The following CCDC85C variants were observed in gnomAD, a reference collection of about 807,000 sequenced individuals.
CCDC85C encodes the protein coiled-coil domain-containing protein 85C.
CCDC85C carries 18 observed loss-of-function variants against 38.3 expected under a neutral mutation model. The ratio of observed to expected loss-of-function variants is 0.47; its 90% CI spans 0.33 to 0.70. The LOEUF (loss-of-function observed/expected upper bound fraction) is 0.70, where lower values mean the gene tolerates loss of function less well. Among genes scored for constraint, CCDC85C ranks in the 30% least tolerant of loss-of-function variants. The pLI, the probability that CCDC85C is intolerant of heterozygous loss-of-function variation, is 0.03. For missense variants in CCDC85C, 566 were observed against 621.2 expected, an observed-to-expected ratio of 0.91 and a Z score of 0.94; for synonymous variants, 264 against 293.8, an observed-to-expected ratio of 0.90 and a Z score of 1.04.
chr14:99,581,472 C>G (rs761840723), intron 1 of CCDC85C, among the ~76,000 whole-genome samples: 7 of 152,254 alleles, frequency 4.6e-5, no homozygotes, highest in African/African-American at 7.2e-5. Context: ...TCGCTCCCCC[C>G]ACCCATGGTC....
In CCDC85C at chr14:99,510,080, C is replaced by A; in HGVS notation, c.*5166G>T. Reference sequence around the variant, plus strand: ...GCTCCCTGCTCCTCTGTAAAGATGGCCCTGAAGGGCCAGGAGGCACTGAAA... The same window carrying A: ...GCTCCCTGCTCCTCTGTAAAGATGGACCTGAAGGGCCAGGAGGCACTGAAA... On this transcript the variant is annotated 3_prime_UTR_variant, in exon 6 of 6. Transcript: ENST00000380243. 7.0e-7 allele frequency: 1 copy of A among 1,418,950 alleles called. No homozygotes were observed. The highest frequency in any genetic ancestry group is 9.4e-7 in the Non-Finnish European group (1 of 1,059,294). The allele number at this position is 1,418,950 out of a possible 1,614,324, so 87.9% of individuals were successfully genotyped here. A position where few individuals can be genotyped will look rare whatever the true frequency, so the allele number is the denominator to read the frequency against.
intron 1 of CCDC85C, among the ~76,000 whole-genome samples, chr14:99,585,777 C>T (rs114063230): frequency 0.01 from 1,575 of 152,222 alleles, 25 homozygotes; most frequent in African/African-American, 0.036. Flanking sequence ...CACAGACCCT[C>T]GGGGCACCAG....
At position 99,504,502 on chromosome 14, in the gene CCDC85C, G is replaced by A. The variant is rs1896923886; in HGVS notation, c.*10744C>T. The A allele has an allele frequency of 6.7e-6, 1 of 149,774 alleles. No individual in the cohort carries two copies. The highest frequency in any genetic ancestry group is 2.5e-5 in the African/African-American group (1 of 40,444). 9.3% of individuals were successfully genotyped at this position (149,774 alleles called of 1,614,324 possible). A position where few individuals can be genotyped will look rare whatever the true frequency, so the allele number is the denominator to read the frequency against. On this transcript the variant is annotated 3_prime_UTR_variant, in exon 6 of 6. Transcript: ENST00000380243. Reference sequence around the variant, plus strand: ...TTTCACTCTTGTTGCCCAGGCTGGAGTGCAGCGGTGCAATCTTAACTCACC... The same window carrying A: ...TTTCACTCTTGTTGCCCAGGCTGGAATGCAGCGGTGCAATCTTAACTCACC...
chr14:99,518,990 G>A (rs538347616), intron 3 of CCDC85C, among the ~76,000 whole-genome samples: 1 of 151,810 alleles, frequency 6.6e-6, no homozygotes, highest in South Asian at 2.1e-4. Context: ...GCCCCCTCGG[G>A]CCACACACAC....
chr14:99,511,968 C>T lies in CCDC85C; in HGVS notation c.*3278G>A, dbSNP rs377760540. 6.6e-6 allele frequency: 1 copy of T among 152,266 alleles called. No individual in the cohort carries two copies. The highest frequency in any genetic ancestry group is 2.4e-5 in the African/African-American group (1 of 41,440). The allele number at this position is 152,266 out of a possible 1,614,324, so 9.4% of individuals were successfully genotyped here. A position where few individuals can be genotyped will look rare whatever the true frequency, so the allele number is the denominator to read the frequency against. On this transcript the variant is annotated 3_prime_UTR_variant, in exon 6 of 6. Transcript: ENST00000380243. ...CCCCCATCTGCGGTGCTTGAGGGGC[C>T]TTGGCCCTGTCTCTGCCTGCTGACC...
Position 99,509,855 on chromosome 14 carries a change from G to A in CCDC85C, c.*5391C>T. Reference sequence around the variant, plus strand: ...CACACGTTTTGCACTAGGAAGAGGGGGCTGGGGCCAGGGCACAAGGGGGCT... The same window carrying A: ...CACACGTTTTGCACTAGGAAGAGGGAGCTGGGGCCAGGGCACAAGGGGGCT... On this transcript the variant is annotated 3_prime_UTR_variant, in exon 6 of 6. Transcript: ENST00000380243. The A allele has an allele frequency of 2.1e-6, 1 of 473,246 alleles. No homozygotes were observed. The highest frequency in any genetic ancestry group is 3.7e-5 in the East Asian group (1 of 27,052). The allele number at this position is 473,246 out of a possible 1,614,324, so 29.3% of individuals were successfully genotyped here. A position where few individuals can be genotyped will look rare whatever the true frequency, so the allele number is the denominator to read the frequency against.
chr14:99,577,990 TTGTG>T (rs891587844), intron 1 of CCDC85C, among the ~76,000 whole-genome samples: 2 of 138,500 alleles, frequency 1.4e-5, no homozygotes, highest in Non-Finnish European at 3.1e-5. Flanking sequence ...ATCGGTGTGT[TTGTG>T]TGTGTGAGTG....
At chr14:99,532,366 C>T (rs1897509658) in intron 2 of CCDC85C, among the ~76,000 whole-genome samples, 1 of 152,246 alleles carries the variant, frequency 6.6e-6, no homozygotes, top group Non-Finnish European at 1.5e-5. Context: ...CTCTCTTCAC[C>T]TCCCCTATCC....
intron 1 of CCDC85C, among the ~76,000 whole-genome samples, chr14:99,543,177 A>G (rs1897745956): frequency 6.6e-6 from 1 of 152,184 alleles, no homozygotes; most frequent in Admixed American, 6.5e-5. Context: ...AAGCCTCTGG[A>G]ACAATGAAGG....
intron 1 of CCDC85C, among the ~76,000 whole-genome samples, chr14:99,579,749 C>T (rs1180358215): frequency 6.6e-6 from 1 of 152,042 alleles, no homozygotes; most frequent in African/African-American, 2.4e-5. Context: ...GGGGAGAGGT[C>T]CCCACATGTC....
intron 1 of CCDC85C, among the ~76,000 whole-genome samples, chr14:99,536,367 A>G (rs1034716506): frequency 2.0e-5 from 3 of 152,164 alleles, no homozygotes; most frequent in African/African-American, 7.2e-5. Context: ...TGGGCCTCTG[A>G]GCCCTTCTCA....
At chr14:99,598,599 AG>A (rs2055168230) in intron 1 of CCDC85C, among the ~76,000 whole-genome samples, 1 of 152,150 alleles carries the variant, frequency 6.6e-6, no homozygotes, top group Admixed American at 6.5e-5. Context: ...GCATCCTGGG[AG>A]GAGGTGCCCT....
chr14:99,502,358 C>A lies in CCDC85C; in HGVS notation c.*12888G>T. ...GTGGGAGCAGTTTGTTCAAGATGTC[C>A]CGGTCGACGTTTTGGAAGGTACCAG... is the stretch of plus-strand genomic sequence containing the variant. On this transcript the variant is annotated 3_prime_UTR_variant, in exon 6 of 6. Transcript: ENST00000380243. 6.2e-7 allele frequency: 1 copy of A among 1,613,434 alleles called. No homozygotes were observed. Among genetic ancestry groups the A allele is most frequent in the Non-Finnish European group, 8.5e-7 (1 of 1,179,734 alleles).
intron 1 of CCDC85C, among the ~76,000 whole-genome samples, chr14:99,579,031 C>A (rs1223745930): frequency 1.3e-5 from 2 of 152,202 alleles, no homozygotes; most frequent in African/African-American, 2.4e-5. Flanking sequence ...CTCCATTGCT[C>A]ATGAAGCCCC....
chr14:99,531,379 C>T (rs761683394), intron 2 of CCDC85C, among the ~76,000 whole-genome samples: 1 of 152,048 alleles, frequency 6.6e-6, no homozygotes, highest in Non-Finnish European at 1.5e-5. Context: ...CAGCCCAGCC[C>T]GGCTGGGCAC....
chr14:99,554,854 T>G (rs1897980605), intron 1 of CCDC85C, among the ~76,000 whole-genome samples: 1 of 152,202 alleles, frequency 6.6e-6, no homozygotes, highest in Non-Finnish European at 1.5e-5. Context: ...TGAGCAGGTT[T>G]CTTTCCCTCT....
chr14:99,566,883 C>T (rs1898225567), intron 1 of CCDC85C, among the ~76,000 whole-genome samples: 2 of 152,190 alleles, frequency 1.3e-5, no homozygotes, highest in African/African-American at 4.8e-5. Context: ...AGGGAAGGGG[C>T]CTAGATGGCT....
chr14:99,597,839 C>G (rs1050803603), intron 1 of CCDC85C, among the ~76,000 whole-genome samples: 6 of 152,204 alleles, frequency 3.9e-5, no homozygotes, highest in African/African-American at 1.4e-4. Flanking sequence ...GTCAGGGGAT[C>G]TCCCACTCCC....
intron 1 of CCDC85C, among the ~76,000 whole-genome samples, chr14:99,542,780 C>T (rs753054449): frequency 6.6e-6 from 1 of 152,256 alleles, no homozygotes; most frequent in Non-Finnish European, 1.5e-5. Flanking sequence ...GCATGCCAGG[C>T]CCAGCGGGTC....
Sources: allele counts gnomAD v4.1 joint callset (sites outside exome capture counted in the v4.1 genomes callset), GRCh38; gene constraint gnomAD v4.1.1; transcripts MANE v1.5; gene names NCBI Gene and HGNC (gene_info 2026-07-23, HGNC 2026-07-21).